SNX7: variants seen among roughly 807,000 people sequenced by gnomAD.
The protein encoded by SNX7 is sorting nexin 7, also known as sorting nexin-7.
Under a neutral mutation model 48.4 loss-of-function variants are expected in SNX7, and 35 were observed. That is an observed-to-expected ratio of 0.72 (90% confidence interval 0.55 to 0.96). The LOEUF (loss-of-function observed/expected upper bound fraction) is 0.96. SNX7 is among the 40% of genes least tolerant of loss of function. SNX7 has a pLI of 0.00. For missense variants in SNX7, 553 were observed against 548.9 expected (o/e 1.01, Z -0.07); for synonymous variants, 190 against 190.2 (o/e 1.00, Z 0.01).
chr1:98,720,440 A>G (rs987960761), intron 7 of SNX7, among the ~76,000 whole-genome samples: 3 of 152,124 alleles, frequency 2.0e-5, no homozygotes, highest in Non-Finnish European at 2.9e-5. Context: ...ATATTCAGTA[A>G]TATTAGAGTA....
At chr1:98,719,164 T>C (rs1260309650) in intron 7 of SNX7, among the ~76,000 whole-genome samples, 2 of 152,124 alleles carry the variant, frequency 1.3e-5, no homozygotes, top group East Asian at 3.8e-4. Context: ...GGATTAGAGA[T>C]AATAATAGTA....
intron 7 of SNX7, among the ~76,000 whole-genome samples, chr1:98,732,050 A>G (rs956412930): frequency 1.4e-4 from 21 of 152,216 alleles, no homozygotes; most frequent in African/African-American, 4.6e-4. Flanking sequence ...TACCGTTTCT[A>G]TTGAATGTGG....
chr1:98,722,060 G>T (rs1652904577), intron 7 of SNX7, among the ~76,000 whole-genome samples: 1 of 151,994 alleles, frequency 6.6e-6, no homozygotes, highest in African/African-American at 2.4e-5. Flanking sequence ...TTCCTGCAAT[G>T]TCACAAAAAA....
At chr1:98,708,595 C>T (rs1275734815) in intron 7 of SNX7, among the ~76,000 whole-genome samples, 3 of 151,988 alleles carry the variant, frequency 2.0e-5, no homozygotes, top group African/African-American at 7.3e-5. Flanking sequence ...ACACAGCTGG[C>T]GGGGAATTTG....
intron 1 of SNX7, among the ~76,000 whole-genome samples, chr1:98,675,572 A>G (rs1366611606): frequency 3.3e-5 from 5 of 152,216 alleles, no homozygotes; most frequent in Admixed American, 1.3e-4. Flanking sequence ...TAAATTATGT[A>G]GTAGGTAAAA....
intron 7 of SNX7, among the ~76,000 whole-genome samples, chr1:98,713,351 A>G (rs1252456123): frequency 6.6e-6 from 1 of 152,116 alleles, no homozygotes; most frequent in African/African-American, 2.4e-5. Context: ...AAGAGTTAGG[A>G]CATTGCTCTG....
At chr1:98,665,003 GA>G (rs1309188797) in intron 1 of SNX7, among the ~76,000 whole-genome samples, 1 of 152,052 alleles carries the variant, frequency 6.6e-6, no homozygotes, top group Non-Finnish European at 1.5e-5. Flanking sequence ...ACGTTTAAAG[GA>G]AAAAATCCTC....
intron 7 of SNX7, among the ~76,000 whole-genome samples, chr1:98,716,037 A>G (rs536193766): frequency 6.6e-6 from 1 of 152,236 alleles, no homozygotes; most frequent in South Asian, 2.1e-4. Context: ...CATTCTTGAT[A>G]TCTTTTATTT....
chr1:98,701,729 A>G (rs1222167292), intron 6 of SNX7, 88 bp from the exon 7 acceptor site: 3 of 815,972 alleles, frequency 3.7e-6, no homozygotes, highest in Non-Finnish European at 5.6e-6. Flanking sequence ...AAGAGATGCT[A>G]TTTATATTCT....
intron 6 of SNX7, among the ~76,000 whole-genome samples, chr1:98,701,606 A>G (rs968371758): frequency 1.3e-5 from 2 of 151,916 alleles, no homozygotes; most frequent in Non-Finnish European, 2.9e-5. Context: ...AAACATTTAT[A>G]GGAAAAAAAA....
At chr1:98,717,734 A>C (rs1218227101) in intron 7 of SNX7, among the ~76,000 whole-genome samples, 1 of 152,098 alleles carries the variant, frequency 6.6e-6, no homozygotes, top group Non-Finnish European at 1.5e-5. Flanking sequence ...GTATGAAATG[A>C]GATAAGGAGG....
At chr1:98,727,560 T>C (rs1157613415) in intron 7 of SNX7, among the ~76,000 whole-genome samples, 1 of 151,914 alleles carries the variant, frequency 6.6e-6, no homozygotes, top group Non-Finnish European at 1.5e-5. Context: ...TTTCAGAAGG[T>C]GGGTAATAAC....
intron 7 of SNX7, among the ~76,000 whole-genome samples, chr1:98,728,813 C>T (rs1653332877): frequency 6.6e-6 from 1 of 152,148 alleles, no homozygotes; most frequent in Non-Finnish European, 1.5e-5. Flanking sequence ...TAGAGACCTA[C>T]AAAAAGGCTT....
chr1:98,724,504 TA>T (rs1653063837), intron 7 of SNX7, among the ~76,000 whole-genome samples: 1 of 152,044 alleles, frequency 6.6e-6, no homozygotes. Context: ...GCAGACCTCA[TA>T]AGATGTTTAG....
chr1:98,760,313 T>A lies in SNX7; in HGVS notation c.*182T>A. 1 of 573,884 alleles carries A rather than the reference T, an allele frequency of 1.7e-6. No homozygotes were observed. The highest frequency in any genetic ancestry group is 3.1e-6 in the Non-Finnish European group (1 of 321,318). 35.5% of individuals were successfully genotyped at this position (573,884 alleles called of 1,614,324 possible). On this transcript the variant is annotated 3_prime_UTR_variant, in exon 9 of 9. Transcript: ENST00000306121. ...ACATGAATTTGAAGATATATCTATC[T>A]GTATGGATATATATCTATATGTATA... is the stretch of plus-strand genomic sequence containing the variant.
chr1:98,748,850 A>G (rs1570608821), intron 8 of SNX7, among the ~76,000 whole-genome samples: 3 of 152,202 alleles, frequency 2.0e-5, no homozygotes, highest in South Asian at 4.1e-4. Flanking sequence ...TCCCATTCAC[A>G]TACACCCCTT....
chr1:98,662,434 A>G (rs1649295068), intron 1 of SNX7: 7 of 302,466 alleles, frequency 2.3e-5, no homozygotes, highest in South Asian at 2.1e-4. Flanking sequence ...CCTGAACAGG[A>G]GAAAACGGTT....
chr1:98,743,410 A>C (rs1654170615), intron 8 of SNX7, among the ~76,000 whole-genome samples: 2 of 152,086 alleles, frequency 1.3e-5, no homozygotes, highest in Admixed American at 1.3e-4. Context: ...AGACTGAATA[A>C]AAGGTTCTAC....
chr1:98,705,272 A>G (rs943570032), intron 7 of SNX7, among the ~76,000 whole-genome samples: 2 of 152,176 alleles, frequency 1.3e-5, no homozygotes, highest in African/African-American at 4.8e-5. Flanking sequence ...TATTCATTTG[A>G]AGGTCAGTTC....
Sources: allele counts gnomAD v4.1 joint callset (sites outside exome capture counted in the v4.1 genomes callset), GRCh38; gene constraint gnomAD v4.1.1; transcripts MANE v1.5; gene names NCBI Gene and HGNC (gene_info 2026-07-23, HGNC 2026-07-21).